INHA: variants seen among roughly 807,000 people sequenced by gnomAD.
The protein encoded by INHA is inhibin alpha chain.
Under a neutral mutation model 21.3 loss-of-function variants are expected in INHA, and 8 were observed. The observed-to-expected ratio is 0.38, with a 90% CI of 0.22 to 0.68. The LOEUF is 0.68. INHA is among the 30% of genes least tolerant of loss of function. The pLI is 0.53. For missense variants in INHA, 436 were observed against 465.8 expected, an observed-to-expected ratio of 0.94 and a Z score of 0.59; for synonymous variants, 231 against 207.5, an observed-to-expected ratio of 1.11 and a Z score of -0.97.
At chr2:219,573,839 G>A (rs537051329) in intron 1 of INHA, among the ~76,000 whole-genome samples, 15 of 152,084 alleles carry the variant, frequency 9.9e-5, no homozygotes, top group African/African-American at 3.6e-4. Context: ...CAGGCATGGT[G>A]GCACCAGCTA....
chr2:219,573,799 C>A (rs1158786272), intron 1 of INHA, among the ~76,000 whole-genome samples: 2 of 151,772 alleles, frequency 1.3e-5, no homozygotes, highest in African/African-American at 2.4e-5. Flanking sequence ...ATGGTGAACC[C>A]CGTCTCTACT....
chr2:219,575,184 G>T lies in INHA; in HGVS notation c.759G>T (p.Pro253=). The T allele has an allele frequency of 6.2e-7, 1 of 1,614,268 alleles. No individual in the cohort carries two copies. Among genetic ancestry groups the T allele is most frequent in the Non-Finnish European group, 8.5e-7 (1 of 1,180,052 alleles). ...CTCTGCGCCTGCTGCAGAGGCCTCC[G>T]GAGGAACCGGCTGCCCATGCCAACT... ...PSALRLLQRP[P]EEPAAHANCH... The change falls in exon 2 of 2, where the codon CCG becomes CCT. Residue 253 remains proline (P), a synonymous_variant. Transcript: ENST00000243786.
intron 1 of INHA, 124 bp downstream of exon 1, chr2:219,572,766 G>T: frequency 9.2e-7 from 1 of 1,082,014 alleles, no homozygotes; most frequent in Non-Finnish European, 1.4e-6. Flanking sequence ...TGCAGCAATA[G>T]GCCAGTTACT....
At chr2:219,572,797 C>T (rs1330688360) in intron 1 of INHA, among the ~76,000 whole-genome samples, 155 bp downstream of exon 1, 2 of 152,244 alleles carry the variant, frequency 1.3e-5, no homozygotes, top group Non-Finnish European at 2.9e-5. Context: ...ATGCTTCTGT[C>T]TCCCCATCTG....
In INHA at chr2:219,575,049, G is replaced by A; in HGVS notation, c.624G>A (p.Arg208=). 1.9e-6 allele frequency: 3 copies of A among 1,613,468 alleles called. No homozygotes were observed. Among genetic ancestry groups the A allele is most frequent in the Non-Finnish European group, 2.5e-6 (3 of 1,180,024 alleles). The change falls in exon 2 of 2, where the codon CGG becomes CGA. Residue 208 remains arginine (R), a synonymous_variant. Transcript: ENST00000243786. ...GTCCCCTCTGTACCTGCTCAGCCCGGCCTGAGGCCACGCCCTTCCTGGTGG... is the reference window on the plus strand; with the variant it reads ...GTCCCCTCTGTACCTGCTCAGCCCGACCTGAGGCCACGCCCTTCCTGGTGG... ...LRCPLCTCSA[R]PEATPFLVAH... is the part of the protein sequence containing the mutation.
rs779809172 is a variant in INHA at position 219,574,717 on chromosome 2, G to C, written c.292G>C (p.Ala98Pro). 2 of 1,613,272 alleles carry C rather than the reference G, an allele frequency of 1.2e-6. No homozygotes were observed. Residue 98 changes from alanine to proline, a missense_variant, in exon 2 of 2, where the codon GCT becomes CCT. By Grantham distance (27) the Ala-to-Pro change is conservative. Transcript: ENST00000243786. The part of the protein sequence containing the change: ...ATDASCEDKS[A>P]ARGLAQEAEE... The stretch of plus-strand genomic sequence containing the variant: ...AGATGCCAGCTGTGAGGACAAGTCA[G>C]CTGCCAGAGGGCTGGCCCAGGAGGC...
intron 1 of INHA, 41 bp downstream of exon 1, chr2:219,572,683 A>C: frequency 6.5e-7 from 1 of 1,550,282 alleles, no homozygotes; most frequent in Non-Finnish European, 8.7e-7. Flanking sequence ...CTTTGAGAAA[A>C]AGCAAGGCAC....
rs764382434 is a variant in INHA, at chr2:219,574,772, G to A, written c.347G>A (p.Arg116Gln). 1.1e-5 allele frequency: 18 copies of A among 1,613,980 alleles called. No individual in the cohort carries two copies. In the Admixed American group the frequency reaches 1.5e-4, roughly 13 times the overall value. The change falls in exon 2 of 2, where the codon CGG (arginine) becomes CAG (glutamine). Residue 116 changes from arginine (R) to glutamine (Q), a missense_variant. Transcript: ENST00000243786. ...AEEGLFRYMF[R>Q]PSQHTRSRQV... ...GAGGGCCTCTTCAGATACATGTTCC[G>A]GCCATCCCAGCATACACGCAGCCGC... is the stretch of plus-strand genomic sequence containing the variant.
At chr2:219,574,225 G>GC (rs1271899650) in intron 1 of INHA, among the ~76,000 whole-genome samples, 1 of 149,742 alleles carries the variant, frequency 6.7e-6, no homozygotes, top group Non-Finnish European at 1.5e-5. Context: ...GCTGCAGTGA[G>GC]CCGTGATCAT....
In INHA at chr2:219,575,553, C is replaced by G; in HGVS notation, c.*27C>G. On this transcript the variant is annotated 3_prime_UTR_variant, in exon 2 of 2. Coordinates refer to ENST00000243786, the MANE Select transcript of INHA (RefSeq NM_002191.4). ...GGTGGGGGGTCTTCCTTCTTAATCC[C>G]ATGGCTGGTGGCCACGCCCCCACCA... The G allele has an allele frequency of 3.8e-6, 6 of 1,579,182 alleles. No individual in the cohort carries two copies. Among genetic ancestry groups the G allele is most frequent in the Non-Finnish European group, 5.2e-6 (6 of 1,150,794 alleles).
Position 219,572,333 on chromosome 2 carries a change from G to A in INHA, c.-42G>A, listed in dbSNP as rs766113595. 1.5e-5 allele frequency: 25 copies of A among 1,612,922 alleles called. No individual in the cohort carries two copies. The highest frequency in any genetic ancestry group is 5.5e-5 in the South Asian group (5 of 90,906). The stretch of plus-strand genomic sequence containing the variant: ...GGGCAGACCCTGGCAGAAGGGGCAC[G>A]GGGCAGGGTGTGAGTTCCCCACTAG... On this transcript the variant is annotated 5_prime_UTR_variant, in exon 1 of 2. Transcript: ENST00000243786.
rs1269567161 is a variant in INHA at position 219,575,536 on chromosome 2, G to A, written c.*10G>A. The A allele has an allele frequency of 6.2e-7, 1 of 1,604,536 alleles. No individual in the cohort carries two copies. Among genetic ancestry groups the A allele is most frequent in the South Asian group, 1.1e-5 (1 of 90,896 alleles). On this transcript the variant is annotated 3_prime_UTR_variant, in exon 2 of 2. Coordinates refer to ENST00000243786, the MANE Select transcript of INHA (RefSeq NM_002191.4). ...CTGTGCTTGTATCTAAGGGTGGGGG[G>A]TCTTCCTTCTTAATCCCATGGCTGG...
At chr2:219,574,481 T>C (rs1697485071) in intron 1 of INHA, among the ~76,000 whole-genome samples, 1 of 152,178 alleles carries the variant, frequency 6.6e-6, no homozygotes, top group Non-Finnish European at 1.5e-5. Context: ...TGTCTTCTAT[T>C]TTTTTAAGTC....
Position 219,575,052 on chromosome 2 carries a change from T to C in INHA, c.627T>C (p.Pro209=). Residue 209 remains proline, a synonymous_variant, in exon 2 of 2, where the codon CCT becomes CCC. Transcript: ENST00000243786. ...RCPLCTCSAR[P]EATPFLVAHT... ...CCCTCTGTACCTGCTCAGCCCGGCC[T>C]GAGGCCACGCCCTTCCTGGTGGCCC... is the stretch of plus-strand genomic sequence containing the variant. The C allele has an allele frequency of 6.2e-7, 1 of 1,613,534 alleles. No homozygotes were observed.
chr2:219,573,316 C>T (rs1448384250), intron 1 of INHA, among the ~76,000 whole-genome samples: 1 of 152,220 alleles, frequency 6.6e-6, no homozygotes, highest in Non-Finnish European at 1.5e-5. Flanking sequence ...TTTCACCTCT[C>T]TAAGCCTCAG....
rs758170478 is a variant in INHA, at chr2:219,574,901, C to T, written c.476C>T (p.Pro159Leu). Residue 159 changes from proline to leucine, a missense_variant, in exon 2 of 2, where the codon CCG becomes CTG. Physicochemically the swap from Pro to Leu is moderately conservative, Grantham distance 98 (BLOSUM62 -3). Transcript: ENST00000243786. ...CTGCTAGGCCTGCTGGCACTGTCAC[C>T]GGGAGGACCCGTGGCTGTGCCCATG... is the stretch of plus-strand genomic sequence containing the variant. ...EPLLGLLALSPGGPVAVPMSL... is the reference protein window; with the variant it reads ...EPLLGLLALSLGGPVAVPMSL... 38 of 1,614,032 alleles carry T rather than the reference C, an allele frequency of 2.4e-5. No homozygotes were observed. The highest frequency in any genetic ancestry group is 2.2e-4 in the Admixed American group (13 of 60,012).
At position 219,575,700 on chromosome 2, in the gene INHA, C is replaced by T. The variant is rs929439162; in HGVS notation, c.*174C>T. The T allele has an allele frequency of 3.2e-6, 2 of 629,360 alleles. No individual in the cohort carries two copies. The highest frequency in any genetic ancestry group is 3.6e-5 in the African/African-American group (2 of 54,830). The allele number at this position is 629,360 out of a possible 1,614,324, so 39.0% of individuals were successfully genotyped here. ...TTCTATCTCAATAAAGAACACAGTG[C>T]ATATGACTTGACATATGTTCTCCAG... On this transcript the variant is annotated 3_prime_UTR_variant, in exon 2 of 2. Coordinates refer to ENST00000243786, the MANE Select transcript of INHA (RefSeq NM_002191.4).
Position 219,575,217 on chromosome 2 carries a change from A to G in INHA, c.792A>G (p.Arg264=), listed in dbSNP as rs937278645. ...EEPAAHANCH[R]VALNISFQEL... ...CGGCTGCCCATGCCAACTGCCACAGAGTAGCACTGAACATCTCCTTCCAGG... is the reference window on the plus strand; with the variant it reads ...CGGCTGCCCATGCCAACTGCCACAGGGTAGCACTGAACATCTCCTTCCAGG... The change falls in exon 2 of 2, where the codon AGA becomes AGG. Residue 264 remains arginine (R), a synonymous_variant. Transcript: ENST00000243786. 1 of 1,614,244 alleles carries G rather than the reference A, an allele frequency of 6.2e-7. No individual in the cohort carries two copies. The highest frequency in any genetic ancestry group is 8.5e-7 in the Non-Finnish European group (1 of 1,180,036).
chr2:219,574,345 C>G (rs953521819), intron 1 of INHA, among the ~76,000 whole-genome samples: 3 of 151,840 alleles, frequency 2.0e-5, no homozygotes, highest in Non-Finnish European at 2.9e-5. Flanking sequence ...CTGTTTCACA[C>G]TATCTGGTGA....
Sources: allele counts gnomAD v4.1 joint callset (sites outside exome capture counted in the v4.1 genomes callset), GRCh38; gene constraint gnomAD v4.1.1; transcripts MANE v1.5; gene names NCBI Gene and HGNC (gene_info 2026-07-23, HGNC 2026-07-21).